The following SH3RF2 variants were observed in gnomAD, a reference collection of about 807,000 sequenced individuals.
SH3RF2 encodes E3 ubiquitin-protein ligase SH3RF2.
A neutral mutation model predicts 59.0 loss-of-function variants in SH3RF2; 43 were observed. The ratio of observed to expected loss-of-function variants is 0.73; its 90% confidence interval spans 0.57 to 0.94. The LOEUF (loss-of-function observed/expected upper bound fraction) is 0.94. SH3RF2 is among the 40% of genes least tolerant of loss of function. SH3RF2 has a pLI of 0.00. For synonymous variants in SH3RF2, 391 were observed against 391.5 expected (o/e 1.00, Z 0.01); for missense variants, 930 against 940.1 (o/e 0.99, Z 0.14).
intron 9 of SH3RF2, among the ~76,000 whole-genome samples, chr5:146,075,778 T>TAAA (rs56300547): frequency 6.5e-5 from 5 of 76,958 alleles, no homozygotes; most frequent in African/African-American, 9.2e-5. Flanking sequence ...AAATTCCATG[T>TAAA]AAAAAAAAAA....
intron 7 of SH3RF2, among the ~76,000 whole-genome samples, chr5:146,053,089 G>T (rs1245802052): frequency 6.6e-6 from 1 of 152,174 alleles, no homozygotes; most frequent in African/African-American, 2.4e-5. Flanking sequence ...GAGCCACCCA[G>T]AATTTGGGGA....
intron 8 of SH3RF2, among the ~76,000 whole-genome samples, chr5:146,057,719 T>C (rs1762718309): frequency 1.3e-5 from 2 of 152,040 alleles, no homozygotes; most frequent in Non-Finnish European, 2.9e-5. Context: ...GTGGGAACAT[T>C]ACTTGAGCTC....
At chr5:146,071,894 T>C (rs529713268) in intron 9 of SH3RF2, among the ~76,000 whole-genome samples, 3 of 152,304 alleles carry the variant, frequency 2.0e-5, no homozygotes, top group East Asian at 1.9e-4. Flanking sequence ...ATTGGGTACA[T>C]AGAATTGTTC....
At chr5:145,974,391 C>A (rs1310543145) in intron 2 of SH3RF2, among the ~76,000 whole-genome samples, 1 of 152,042 alleles carries the variant, frequency 6.6e-6, no homozygotes, top group African/African-American at 2.4e-5. Context: ...GGGGTAGGAG[C>A]ACCTTTGGTC....
intron 2 of SH3RF2, among the ~76,000 whole-genome samples, chr5:145,961,174 C>CTTTTTTTTT (rs869156939): frequency 5.5e-5 from 5 of 90,960 alleles, no homozygotes; most frequent in African/African-American, 1.8e-4. Flanking sequence ...CTGCATCCTC[C>CTTTTTTTTT]TTTTTTTTTT....
At chr5:146,059,416 T>C (rs1248829662) in intron 8 of SH3RF2, among the ~76,000 whole-genome samples, 1 of 152,042 alleles carries the variant, frequency 6.6e-6, no homozygotes, top group Non-Finnish European at 1.5e-5. Context: ...CCTTTTCCTC[T>C]CTCTCATTCT....
At chr5:145,951,952 T>C (rs1264159072) in intron 2 of SH3RF2, among the ~76,000 whole-genome samples, 1 of 152,198 alleles carries the variant, frequency 6.6e-6, no homozygotes, top group Non-Finnish European at 1.5e-5. Flanking sequence ...TTGATAGCTG[T>C]ATGACTTTGG....
At chr5:146,067,846 C>T (rs1209899277), downstream of SH3RF2, among the ~76,000 whole-genome samples, 1 of 152,210 alleles carries the variant, frequency 6.6e-6, no homozygotes, top group Non-Finnish European at 1.5e-5. Context: ...CACCTAAAAG[C>T]TCAGGCCAGG....
chr5:146,054,482 C>T (rs754249335), intron 7 of SH3RF2, among the ~76,000 whole-genome samples: 7 of 152,204 alleles, frequency 4.6e-5, no homozygotes, highest in Non-Finnish European at 7.3e-5. Context: ...TGCACTCTGG[C>T]ATGGAAGCCA....
intron 2 of SH3RF2, among the ~76,000 whole-genome samples, chr5:145,969,884 G>A (rs1759008473): frequency 6.6e-6 from 1 of 152,124 alleles, no homozygotes; most frequent in Non-Finnish European, 1.5e-5. Flanking sequence ...TTGGCCTGCT[G>A]GTGACCTTGC....
At chr5:146,061,849 A>G (rs1762904708) in intron 9 of SH3RF2, among the ~76,000 whole-genome samples, 1 of 152,088 alleles carries the variant, frequency 6.6e-6, no homozygotes, top group Admixed American at 6.5e-5. Flanking sequence ...GACATATGAA[A>G]TTCTGATTTT....
intron 2 of SH3RF2, chr5:145,997,973 C>T: frequency 1.3e-6 from 1 of 768,734 alleles, no homozygotes. Flanking sequence ...ACAGGTGGTC[C>T]CACCCAGAAC....
downstream of SH3RF2, among the ~76,000 whole-genome samples, chr5:146,067,432 G>A (rs554761426): frequency 3.3e-5 from 5 of 152,164 alleles, no homozygotes; most frequent in East Asian, 1.9e-4. Context: ...GTGCAGGACC[G>A]CATCTCTCAA....
chr5:146,030,575 G>C (rs1409664970), intron 5 of SH3RF2, among the ~76,000 whole-genome samples: 2 of 152,152 alleles, frequency 1.3e-5, no homozygotes, highest in South Asian at 2.1e-4. Context: ...AGGTCACTAG[G>C]AGGACTAACC....
chr5:145,955,179 G>C (rs1037693175), intron 2 of SH3RF2, among the ~76,000 whole-genome samples: 1 of 152,130 alleles, frequency 6.6e-6, no homozygotes, highest in Non-Finnish European at 1.5e-5. Context: ...TTAAAGCAGG[G>C]AATAACCTGA....
At chr5:145,992,327 C>T (rs972438533) in intron 2 of SH3RF2, among the ~76,000 whole-genome samples, 18 of 152,202 alleles carry the variant, frequency 1.2e-4, no homozygotes, top group Middle Eastern at 3.4e-3. Flanking sequence ...AGGCCAAGAC[C>T]ATGACACTGC....
intron 2 of SH3RF2, among the ~76,000 whole-genome samples, chr5:145,958,081 C>G (rs1758486093): frequency 6.6e-6 from 1 of 151,926 alleles, no homozygotes; most frequent in African/African-American, 2.4e-5. Context: ...CCACTACACT[C>G]CAGCCTGGGC....
intron 2 of SH3RF2, among the ~76,000 whole-genome samples, chr5:145,949,467 G>C (rs1016589599): frequency 6.6e-6 from 1 of 152,220 alleles, no homozygotes; most frequent in Non-Finnish European, 1.5e-5. Context: ...AGGCAAAGTG[G>C]CAGTAAATCT....
chr5:146,047,154 C>CGT (rs35750777), intron 5 of SH3RF2, among the ~76,000 whole-genome samples: 8,310 of 148,192 alleles, frequency 0.056, 234 homozygotes, highest in South Asian at 0.066. Flanking sequence ...ATTGGATAGG[C>CGT]GTGTGTGTGT....
Sources: allele counts gnomAD v4.1 joint callset (sites outside exome capture counted in the v4.1 genomes callset), GRCh38; gene constraint gnomAD v4.1.1; transcripts MANE v1.5; gene names NCBI Gene and HGNC (gene_info 2026-07-23, HGNC 2026-07-21).